The following CNTLN variants were observed in gnomAD, a reference collection of about 807,000 sequenced individuals.
CNTLN encodes centlein.
Under a neutral mutation model 180.0 loss-of-function variants are expected in CNTLN, and 212 were observed. The observed-to-expected ratio is 1.18, with a 90% CI of 1.05 to 1.32. The LOEUF (loss-of-function observed/expected upper bound fraction) is 1.32. CNTLN is among the 40% of genes most tolerant of loss of function. The pLI is 0.00. For synonymous variants in CNTLN, 722 were observed against 563.1 expected (o/e 1.28, Z -3.99); for missense variants, 2,095 against 1,610.9 (o/e 1.30, Z -5.14).
intron 2 of CNTLN, among the ~76,000 whole-genome samples, chr9:17,164,970 G>A (rs1287850144): frequency 6.6e-6 from 1 of 151,322 alleles, no homozygotes; most frequent in East Asian, 2.0e-4. Context: ...CAAGTAGCTG[G>A]TATTACAGGT....
In CNTLN at chr9:17,298,266, C is replaced by G; in HGVS notation, c.1060C>G (p.Gln354Glu). 1.9e-6 allele frequency: 3 copies of G among 1,613,370 alleles called. No homozygotes were observed. Among genetic ancestry groups the G allele is most frequent in the Non-Finnish European group, 2.5e-6 (3 of 1,179,728 alleles). Residue 354 changes from glutamine (Q) to glutamate (E), a missense_variant, in exon 7 of 26, where the codon CAG (glutamine) becomes GAG (glutamate). Physicochemically the swap from Gln to Glu is conservative, Grantham distance 29. Coordinates refer to ENST00000380647, the MANE Select transcript of CNTLN (RefSeq NM_017738.4). ...AGCCCAGCAAGCAGAGCTGATCCAG[C>G]AGCTTCAGGTTCTCAATATGGACAC... ...HTAQQAELIQ[Q>E]LQVLNMDTQK... is the part of the protein sequence containing the mutation.
In CNTLN at chr9:17,427,855, G is replaced by A. The variant is rs534123418; in HGVS notation, c.3114+11666G>A. Reference sequence around the variant, plus strand: ...ATTTGGCTGCATAGTAACCCATTAAGATCATTCTTTCATTCATCAAGCATT... The same window carrying A: ...ATTTGGCTGCATAGTAACCCATTAAAATCATTCTTTCATTCATCAAGCATT... On this transcript the variant is annotated intron_variant, in intron 18 of 25. Coordinates refer to ENST00000380647, the MANE Select transcript of CNTLN (RefSeq NM_017738.4). Among the ~76,000 whole-genome samples the A allele has an allele frequency of 1.0e-3, 158 of 152,212 alleles. No individual in the cohort carries two copies. The Middle Eastern group carries it at 0.034, about 33-fold the overall frequency.
At chr9:17,147,026 C>T (rs1818502785) in intron 2 of CNTLN, among the ~76,000 whole-genome samples, 1 of 152,126 alleles carries the variant, frequency 6.6e-6, no homozygotes, top group South Asian at 2.1e-4. Flanking sequence ...AATGAACCTT[C>T]ACTGCCTTGC....
chr9:17,506,975 TAAG>T (rs1273587915), downstream of CNTLN, among the ~76,000 whole-genome samples: 2 of 152,180 alleles, frequency 1.3e-5, no homozygotes, highest in Admixed American at 6.5e-5. Flanking sequence ...TTATTTGTCT[TAAG>T]AACATTCAAA....
At chr9:17,394,320 C>T (rs1241825599) in intron 14 of CNTLN, among the ~76,000 whole-genome samples, 1 of 152,054 alleles carries the variant, frequency 6.6e-6, no homozygotes, top group Non-Finnish European at 1.5e-5. Flanking sequence ...AGAATTTTAC[C>T]TTCTTTTACC....
chr9:17,273,157 T>C (rs944570119), intron 5 of CNTLN, among the ~76,000 whole-genome samples: 3 of 134,966 alleles, frequency 2.2e-5, no homozygotes, highest in Non-Finnish European at 3.1e-5. Flanking sequence ...AAACACCTAA[T>C]TTTAAAATCC....
chr9:17,408,555 A>G, intron 15 of CNTLN, among the ~76,000 whole-genome samples: 1 of 152,018 alleles, frequency 6.6e-6, no homozygotes, highest in East Asian at 1.9e-4. Flanking sequence ...TAATCCCAGC[A>G]CTTTGGGAGG....
rs537228909 is a variant in CNTLN, at chr9:17,445,638, A to T, written c.3115-11886A>T. ...CACCACTCCCTAATCTCAAGTACCC[A>T]GGGACACAAAAACTGCGGAAGGCCT... is the stretch of plus-strand genomic sequence containing the variant. On this transcript the variant is annotated intron_variant, in intron 18 of 25. Transcript: ENST00000380647. Among the ~76,000 whole-genome samples the T allele has an allele frequency of 2.0e-5, 3 of 152,294 alleles. No individual in the cohort carries two copies. In the South Asian group the frequency reaches 6.2e-4, roughly 32 times the overall value.
chr9:17,222,457 G>A (rs1329363719), intron 2 of CNTLN, among the ~76,000 whole-genome samples: 4 of 152,006 alleles, frequency 2.6e-5, no homozygotes, highest in African/African-American at 9.7e-5. Context: ...CCCCTGTACT[G>A]TTCTCGTGGT....
intron 6 of CNTLN, among the ~76,000 whole-genome samples, chr9:17,297,419 C>G (rs995210902): frequency 1.3e-5 from 2 of 152,112 alleles, no homozygotes; most frequent in African/African-American, 2.4e-5. Flanking sequence ...AAATATTTCT[C>G]GGTTCAAATT....
chr9:17,345,404 C>T (rs1821799572), intron 12 of CNTLN, among the ~76,000 whole-genome samples: 2 of 151,876 alleles, frequency 1.3e-5, no homozygotes, highest in South Asian at 4.2e-4. Flanking sequence ...GCTAAGTCTG[C>T]CATGTTATTA....
intron 6 of CNTLN, among the ~76,000 whole-genome samples, chr9:17,281,052 A>T (rs1030227964): frequency 3.3e-5 from 5 of 152,158 alleles, no homozygotes; most frequent in Admixed American, 1.3e-4. Flanking sequence ...TGAACAAAAA[A>T]AGTTCCTGCT....
chr9:17,172,071 T>C (rs1205329517), intron 2 of CNTLN, among the ~76,000 whole-genome samples: 1 of 152,108 alleles, frequency 6.6e-6, no homozygotes, highest in Admixed American at 6.5e-5. Flanking sequence ...ATAGTGCAGC[T>C]GTAGTTCTGG....
At chr9:17,352,796 A>G (rs969648709) in intron 12 of CNTLN, among the ~76,000 whole-genome samples, 36 of 152,184 alleles carry the variant, frequency 2.4e-4, no homozygotes, top group Non-Finnish European at 1.0e-4. Context: ...TTTCATATAA[A>G]TAGAATCATA....
chr9:17,227,715 G>A (rs188091765), intron 3 of CNTLN, among the ~76,000 whole-genome samples: 1 of 151,970 alleles, frequency 6.6e-6, no homozygotes, highest in South Asian at 2.1e-4. Context: ...AAGGAATATT[G>A]ATTCCAATAA....
At chr9:17,152,410 G>T (rs189863913) in intron 2 of CNTLN, among the ~76,000 whole-genome samples, 1 of 152,016 alleles carries the variant, frequency 6.6e-6, no homozygotes, top group Non-Finnish European at 1.5e-5. Context: ...CCTTCATTTC[G>T]TTATTTACCC....
chr9:17,282,812 C>A (rs1828746524), intron 6 of CNTLN, among the ~76,000 whole-genome samples: 1 of 152,154 alleles, frequency 6.6e-6, no homozygotes, highest in African/African-American at 2.4e-5. Context: ...TTATGGCTAG[C>A]CAGTTTTCCC....
At chr9:17,299,547 A>G in intron 7 of CNTLN, 1 of 985,356 alleles carries the variant, frequency 1.0e-6, no homozygotes, top group Non-Finnish European at 1.2e-6. Flanking sequence ...ATGCTTTGTA[A>G]CAGTGGTTTT....
At chr9:17,525,787 TG>T in the CNTLN span, among the ~76,000 whole-genome samples, 3 of 152,200 alleles carry the variant, frequency 2.0e-5, no homozygotes, top group Non-Finnish European at 4.4e-5. Flanking sequence ...AAAAGATCTT[TG>T]AAGGCCTAAA....
Sources: allele counts gnomAD v4.1 joint callset (sites outside exome capture counted in the v4.1 genomes callset), GRCh38; gene constraint gnomAD v4.1.1; transcripts MANE v1.5; gene names NCBI Gene and HGNC (gene_info 2026-07-23, HGNC 2026-07-21).